Variants in HDAC4 observed in about 807,000 individuals in gnomAD.
The protein encoded by HDAC4 is histone deacetylase 4, also known as histone deacetylase A.
In HDAC4, 16 loss-of-function variants were observed where a neutral mutation model predicts 135.1. That is an observed-to-expected ratio of 0.12 (90% CI 0.08 to 0.18). The LOEUF (loss-of-function observed/expected upper bound fraction) is 0.18. Ranked by LOEUF, HDAC4 falls within the 10% of genes least tolerant of loss-of-function variation. The pLI, the probability that HDAC4 is intolerant of heterozygous loss-of-function variation, is 1.00. For synonymous variants in HDAC4, 685 were observed against 653.4 expected (o/e 1.05, Z -0.74); for missense variants, 1,143 against 1,511.8 (o/e 0.76, Z 4.05).
intron 13 of HDAC4, 84 bp from the exon 14 acceptor site, chr2:239,111,796 A>T: frequency 7.6e-7 from 1 of 1,310,464 alleles, no homozygotes; most frequent in Non-Finnish European, 1.1e-6. Context: ...CTCTCTTGCA[A>T]GTCTCCCGTC....
chr2:239,105,594 C>A (rs62189553), intron 15 of HDAC4, among the ~76,000 whole-genome samples: 2 of 152,144 alleles, frequency 1.3e-5, no homozygotes, highest in African/African-American at 4.8e-5. Flanking sequence ...CCTCACCACG[C>A]GAAGCCAACT....
Position 239,171,971 on chromosome 2 carries a change from T to A in HDAC4, c.490+4442A>T, listed in dbSNP as rs145912368. Among the ~76,000 whole-genome samples, 9 of 152,208 alleles carry A rather than the reference T, an allele frequency of 5.9e-5. No individual in the cohort carries two copies. The East Asian group carries it at 1.7e-3, about 29-fold the overall frequency. Reference sequence around the variant, plus strand: ...AAAATTCATCACCATTAGACCCACATTAAGGTAAACAAAGAATATCACAGA... The same window carrying A: ...AAAATTCATCACCATTAGACCCACAATAAGGTAAACAAAGAATATCACAGA... On this transcript the variant is annotated intron_variant, in intron 5 of 26. Coordinates refer to ENST00000543185, the MANE Select transcript of HDAC4 (RefSeq NM_001378414.1).
At chr2:239,326,792 G>A (rs1489592318) in intron 2 of HDAC4, among the ~76,000 whole-genome samples, 1 of 152,204 alleles carries the variant, frequency 6.6e-6, no homozygotes, top group Non-Finnish European at 1.5e-5. Context: ...GCATCCCAGC[G>A]AGCCAGCAGC....
At chr2:239,259,257 T>C (rs1395850533) in intron 2 of HDAC4, among the ~76,000 whole-genome samples, 1 of 152,200 alleles carries the variant, frequency 6.6e-6, no homozygotes, top group Non-Finnish European at 1.5e-5. Context: ...AAGACCAGCC[T>C]GGGCAACAAG....
intron 3 of HDAC4, among the ~76,000 whole-genome samples, chr2:239,228,616 G>A (rs1000571907): frequency 1.3e-5 from 2 of 152,100 alleles, no homozygotes; most frequent in South Asian, 2.1e-4. Flanking sequence ...AAAACAGAAC[G>A]ATCTGAAGGT....
intron 22 of HDAC4, among the ~76,000 whole-genome samples, chr2:239,070,645 C>G (rs1443325840): frequency 6.6e-6 from 1 of 152,220 alleles, no homozygotes; most frequent in East Asian, 1.9e-4. Flanking sequence ...TCCTGGCGGA[C>G]AGCAAGGACC....
intron 7 of HDAC4, 108 bp downstream of exon 7, chr2:239,156,544 G>A (rs1024688587): frequency 9.0e-6 from 12 of 1,336,372 alleles, no homozygotes; most frequent in South Asian, 2.4e-5. Flanking sequence ...AAAATCTGCA[G>A]GTGATTCCTT....
Position 239,313,006 on chromosome 2 carries a change from G to C in HDAC4, c.22+39672C>G, listed in dbSNP as rs983087383. ...CTGGCTGCCGACGGGAGGCAGACGA[G>C]GTGCCGGGGGCAGCCTGCAGAGCAA... On this transcript the variant is annotated intron_variant, in intron 2 of 26. Transcript: ENST00000543185. The surrounding 1 kb of genome is among the most constrained non-coding windows in gnomAD (Gnocchi z 5.1). 1.3e-5 allele frequency among the ~76,000 whole-genome samples: 2 copies of C among 152,234 alleles called. No homozygotes were observed. Among genetic ancestry groups the C allele is most frequent in the Non-Finnish European group, 2.9e-5 (2 of 68,038 alleles).
chr2:239,150,356 GAC>G (rs960905141), intron 7 of HDAC4, among the ~76,000 whole-genome samples: 3 of 150,970 alleles, frequency 2.0e-5, no homozygotes, highest in Admixed American at 6.6e-5. Flanking sequence ...CACAGAAACA[GAC>G]ACACACACAG....
intron 2 of HDAC4, among the ~76,000 whole-genome samples, chr2:239,291,021 A>C (rs1178587084): frequency 6.6e-6 from 1 of 152,268 alleles, no homozygotes; most frequent in African/African-American, 2.4e-5. Context: ...ACAAAAGGAA[A>C]GAGCCGTTCA....
In HDAC4 at chr2:239,056,510, C is replaced by G. The variant is rs1233015016; in HGVS notation, c.3004-1677G>C. ...GGAACCAGCTGGGCAGCAAAATCAA[C>G]ACCGTGGTATTGAAGCATGACCCAA... On this transcript the variant is annotated intron_variant, in intron 24 of 26. Coordinates refer to ENST00000543185, the MANE Select transcript of HDAC4 (RefSeq NM_001378414.1). 6.6e-5 allele frequency among the ~76,000 whole-genome samples: 10 copies of G among 152,346 alleles called. No homozygotes were observed. In the South Asian group the frequency reaches 1.9e-3, roughly 28 times the overall value.
At chr2:239,159,351 C>T (rs2042634762) in intron 6 of HDAC4, among the ~76,000 whole-genome samples, 1 of 150,690 alleles carries the variant, frequency 6.6e-6, no homozygotes, top group Non-Finnish European at 1.5e-5. Context: ...CCACATTCCA[C>T]ACCCCACACC....
At chr2:239,229,892 G>A (rs2047441170) in intron 3 of HDAC4, among the ~76,000 whole-genome samples, 2 of 152,142 alleles carry the variant, frequency 1.3e-5, no homozygotes. Context: ...AGGAAAAAGA[G>A]ACCTGGAAAG....
intron 3 of HDAC4, among the ~76,000 whole-genome samples, chr2:239,195,590 A>G (rs2045327222): frequency 6.6e-6 from 1 of 152,208 alleles, no homozygotes; most frequent in African/African-American, 2.4e-5. Flanking sequence ...AAAACCATTC[A>G]AAATGCCACG....
At chr2:239,184,183 G>A (rs144719839) in intron 4 of HDAC4, among the ~76,000 whole-genome samples, 3 of 150,588 alleles carry the variant, frequency 2.0e-5, no homozygotes, top group Admixed American at 1.3e-4. Flanking sequence ...GAAAAGGCAC[G>A]CCTTACACCA....
chr2:239,149,001 C>A (rs145358036), intron 7 of HDAC4, among the ~76,000 whole-genome samples: 101 of 152,334 alleles, frequency 6.6e-4, no homozygotes, highest in African/African-American at 2.4e-3. Context: ...ACGTGACACA[C>A]GCTGTAATAA....
rs2030228956 is a variant in HDAC4, at chr2:239,048,174, G to A, written c.*4923C>T. On this transcript the variant is annotated 3_prime_UTR_variant, in exon 27 of 27. Transcript: ENST00000543185. The stretch of plus-strand genomic sequence containing the variant: ...CACGGGCAGAAACCAGAGCTGGGAG[G>A]GCAAGTAACGCAGTCTTTATTTACA... 1 of 152,298 alleles carries A rather than the reference G, an allele frequency of 6.6e-6. No homozygotes were observed. The highest frequency in any genetic ancestry group is 1.5e-5 in the Non-Finnish European group (1 of 68,088). 9.4% of individuals were successfully genotyped at this position (152,298 alleles called of 1,614,324 possible). A position where few individuals can be genotyped will look rare whatever the true frequency, so the allele number is the denominator to read the frequency against.
intron 16 of HDAC4, among the ~76,000 whole-genome samples, chr2:239,100,102 C>G (rs932090188): frequency 6.6e-6 from 1 of 152,272 alleles, no homozygotes; most frequent in African/African-American, 2.4e-5. Flanking sequence ...TTCTGAGGCT[C>G]TGCTGTTTCT....
intron 22 of HDAC4, among the ~76,000 whole-genome samples, chr2:239,076,235 AG>A (rs1035891836): frequency 6.6e-6 from 1 of 151,694 alleles, no homozygotes; most frequent in African/African-American, 2.4e-5. Flanking sequence ...TCGGCTTCCC[AG>A]GGGGAACAGA....
Sources: allele counts gnomAD v4.1 joint callset (sites outside exome capture counted in the v4.1 genomes callset), GRCh38; gene constraint gnomAD v4.1.1; non-coding constraint Gnocchi (gnomAD v3.1); transcripts MANE v1.5; gene names NCBI Gene and HGNC (gene_info 2026-07-23, HGNC 2026-07-21).